The following BBOX1 variants were observed in gnomAD, a reference collection of about 807,000 sequenced individuals.
BBOX1 encodes the protein gamma-butyrobetaine dioxygenase.
Under a neutral mutation model 41.6 loss-of-function variants are expected in BBOX1, and 35 were observed. The observed-to-expected ratio is 0.84, with a 90% confidence interval of 0.64 to 1.11. The LOEUF (loss-of-function observed/expected upper bound fraction) is 1.11. Among genes scored for constraint, BBOX1 ranks in the 50% most tolerant of loss-of-function variants. The pLI, the probability that BBOX1 is intolerant of heterozygous loss-of-function variation, is 0.00. For synonymous variants in BBOX1, 163 were observed against 154.7 expected, an observed-to-expected ratio of 1.05 and a Z score of -0.40; for missense variants, 458 against 460.6, an observed-to-expected ratio of 0.99 and a Z score of 0.05.
intron 2 of BBOX1, among the ~76,000 whole-genome samples, chr11:27,044,916 T>C (rs923609867): frequency 6.6e-6 from 1 of 150,814 alleles, no homozygotes; most frequent in Non-Finnish European, 1.5e-5. Flanking sequence ...ATGTGGGCTC[T>C]TTTTTGGTTC....
chr11:27,100,050 C>T (rs528178345), intron 5 of BBOX1, among the ~76,000 whole-genome samples: 3 of 152,216 alleles, frequency 2.0e-5, no homozygotes, highest in African/African-American at 7.2e-5. Flanking sequence ...CCAGTATCCA[C>T]TAGACTCCTG....
chr11:27,095,467 T>C (rs1858407083), intron 5 of BBOX1, among the ~76,000 whole-genome samples: 3 of 151,930 alleles, frequency 2.0e-5, no homozygotes, highest in African/African-American at 7.2e-5. Context: ...ATACTAAAGG[T>C]CTGTTGTCAA....
At chr11:27,127,213 T>A in intron 8 of BBOX1, 80 bp from the exon 9 acceptor site, 1 of 1,415,252 alleles carries the variant, frequency 7.1e-7, no homozygotes, top group Non-Finnish European at 9.8e-7. Context: ...GCAGCAGCTG[T>A]GTTTTGCATG....
intron 2 of BBOX1, among the ~76,000 whole-genome samples, chr11:27,043,583 T>A (rs1473217483): frequency 1.3e-5 from 2 of 151,938 alleles, no homozygotes; most frequent in African/African-American, 4.8e-5. Flanking sequence ...CCTAATGGTA[T>A]CCCTCCCCTA....
chr11:27,071,150 A>G (rs913503849), intron 4 of BBOX1, among the ~76,000 whole-genome samples: 2 of 152,066 alleles, frequency 1.3e-5, no homozygotes, highest in African/African-American at 4.8e-5. Context: ...AAAGGAGGGC[A>G]GATCACAAGG....
chr11:27,068,791 G>A (rs1397102850), intron 4 of BBOX1, among the ~76,000 whole-genome samples: 1 of 151,754 alleles, frequency 6.6e-6, no homozygotes, highest in African/African-American at 2.4e-5. Flanking sequence ...TCTATATGTC[G>A]CTATTCAGTT....
At chr11:27,075,832 G>A (rs184263562) in intron 4 of BBOX1, among the ~76,000 whole-genome samples, 1 of 152,114 alleles carries the variant, frequency 6.6e-6, no homozygotes, top group Non-Finnish European at 1.5e-5. Flanking sequence ...GAACTCCTAT[G>A]GGAGAAGCCC....
chr11:27,066,939 G>A (rs1271361669), intron 4 of BBOX1, among the ~76,000 whole-genome samples: 1 of 151,870 alleles, frequency 6.6e-6, no homozygotes, highest in Admixed American at 6.6e-5. Flanking sequence ...AGAAAGTAGG[G>A]CACTGAAATT....
At chr11:27,096,122 G>A (rs1858429950) in intron 5 of BBOX1, among the ~76,000 whole-genome samples, 1 of 151,980 alleles carries the variant, frequency 6.6e-6, no homozygotes. Flanking sequence ...TTCAATAGAA[G>A]TCAGGTCTCC....
intron 4 of BBOX1, among the ~76,000 whole-genome samples, chr11:27,075,727 C>T (rs1475429370): frequency 6.6e-6 from 1 of 152,184 alleles, no homozygotes; most frequent in Non-Finnish European, 1.5e-5. Flanking sequence ...TGACTCTACC[C>T]CTCAGGCAAG....
At chr11:27,089,720 A>T (rs966153184) in intron 4 of BBOX1, among the ~76,000 whole-genome samples, 6 of 151,996 alleles carry the variant, frequency 3.9e-5, no homozygotes, top group African/African-American at 1.4e-4. Context: ...TAACAAGCTT[A>T]AAGCTGTTTT....
At chr11:27,076,964 C>G (rs970210295) in intron 4 of BBOX1, among the ~76,000 whole-genome samples, 4 of 152,120 alleles carry the variant, frequency 2.6e-5, no homozygotes, top group African/African-American at 7.2e-5. Flanking sequence ...AGTCTATGTT[C>G]AGAACTCCCC....
chr11:27,116,281 T>G (rs946294597), intron 6 of BBOX1, among the ~76,000 whole-genome samples: 7 of 150,390 alleles, frequency 4.7e-5, no homozygotes, highest in South Asian at 2.1e-4. Flanking sequence ...TGAGAACACA[T>G]GGACACAGAG....
intron 3 of BBOX1, among the ~76,000 whole-genome samples, chr11:27,056,036 A>G (rs954515530): frequency 7.2e-5 from 11 of 152,062 alleles, no homozygotes; most frequent in African/African-American, 2.7e-4. Flanking sequence ...CCACATCCCG[A>G]CTTGAGGACT....
intron 3 of BBOX1, 140 bp from the exon 4 acceptor site, chr11:27,057,061 A>T (rs6484262): frequency 0.99 from 226,819 of 228,118 alleles, 112,784 homozygotes; most frequent in South Asian, 1. Context: ...GAAGACTCCG[A>T]CTTAAAAAAA....
rs188213064 is a variant in BBOX1, at chr11:27,044,379, C to T, written c.-39+2901C>T. 3.0e-3 allele frequency among the ~76,000 whole-genome samples: 456 copies of T among 152,122 alleles called. 2 individuals are homozygous for T. Among genetic ancestry groups the T allele is most frequent in the Admixed American group, 4.7e-3 (72 of 15,286 alleles). ...TAGATTGCAAAAATTTTCTCCCATT[C>T]GGTAGGTTGTCTATTCACTCTGATG... On this transcript the variant is annotated intron_variant, in intron 2 of 8. Transcript: ENST00000263182.
chr11:27,103,773 T>G (rs1341913343), intron 5 of BBOX1, among the ~76,000 whole-genome samples: 1 of 152,100 alleles, frequency 6.6e-6, no homozygotes, highest in Non-Finnish European at 1.5e-5. Flanking sequence ...TGACATGTAC[T>G]GCCTGTCTGT....
intron 7 of BBOX1, among the ~76,000 whole-genome samples, chr11:27,125,336 C>A (rs1480030003): frequency 6.6e-6 from 1 of 152,004 alleles, no homozygotes; most frequent in Non-Finnish European, 1.5e-5. Flanking sequence ...GATTTTAATA[C>A]CTGTTTCAAA....
At chr11:27,064,233 C>T (rs1027700119) in intron 4 of BBOX1, among the ~76,000 whole-genome samples, 1 of 151,792 alleles carries the variant, frequency 6.6e-6, no homozygotes, top group South Asian at 2.1e-4. Flanking sequence ...TTAGGATGTC[C>T]CAACAGTATC....
Sources: gnomAD v4.1 joint callset for allele counts (sites outside exome capture counted in the v4.1 genomes callset) on GRCh38, gnomAD v4.1.1 for gene constraint, MANE v1.5 for transcripts, NCBI Gene and HGNC (gene_info 2026-07-23, HGNC 2026-07-21) for gene names.